Variants in MYOM1 observed in about 807,000 individuals in gnomAD.
The protein encoded by MYOM1 is myomesin-1.
In MYOM1, 164 loss-of-function variants were observed where a neutral mutation model predicts 205.3. The ratio of observed to expected loss-of-function variants is 0.80; its 90% CI spans 0.70 to 0.91. The LOEUF (loss-of-function observed/expected upper bound fraction) is 0.91. Ranked by LOEUF, MYOM1 falls within the 40% of genes least tolerant of loss-of-function variation. MYOM1 has a pLI of 0.00. For missense variants in MYOM1, 2,011 were observed against 2,127.3 expected (o/e 0.95, Z 1.08); for synonymous variants, 772 against 789.4 (o/e 0.98, Z 0.37).
At chr18:3,233,699 C>T in the MYOM1 span, among the ~76,000 whole-genome samples, 1 of 152,184 alleles carries the variant, frequency 6.6e-6, no homozygotes, top group Non-Finnish European at 1.5e-5. Flanking sequence ...AAACTGTCCA[C>T]GGATTCATCT....
intron 10 of MYOM1, among the ~76,000 whole-genome samples, chr18:3,155,501 G>C (rs1340222368): frequency 1.3e-5 from 2 of 152,212 alleles, no homozygotes; most frequent in South Asian, 2.1e-4. Flanking sequence ...TGGGATTACA[G>C]GCGTGAGCCA....
the MYOM1 span, among the ~76,000 whole-genome samples, chr18:3,239,305 A>AAG: frequency 2.0e-5 from 3 of 152,174 alleles, no homozygotes. Flanking sequence ...ACAATGCATG[A>AAG]AGACAGATGT....
At chr18:3,161,263 A>G (rs778449304) in intron 10 of MYOM1, among the ~76,000 whole-genome samples, 3 of 152,216 alleles carry the variant, frequency 2.0e-5, no homozygotes, top group Non-Finnish European at 4.4e-5. Flanking sequence ...TCAGGTATCT[A>G]TACCAGTTGC....
intron 19 of MYOM1, among the ~76,000 whole-genome samples, chr18:3,124,248 A>G (rs918617412): frequency 2.0e-5 from 3 of 151,368 alleles, no homozygotes; most frequent in Non-Finnish European, 2.9e-5. Flanking sequence ...AGGAAACGAT[A>G]TATGATACAG....
intron 2 of MYOM1, among the ~76,000 whole-genome samples, chr18:3,201,010 C>T (rs767020212): frequency 2.6e-5 from 4 of 152,116 alleles, no homozygotes; most frequent in Non-Finnish European, 5.9e-5. Context: ...TCTTTACACA[C>T]AGGGGAACAA....
intron 34 of MYOM1, among the ~76,000 whole-genome samples, 184 bp downstream of exon 34, chr18:3,078,995 T>TTA (rs398031857): frequency 6.7e-6 from 1 of 149,356 alleles, no homozygotes; most frequent in Non-Finnish European, 1.5e-5. Context: ...TTTTTTTTTT[T>TTA]AGAGATGAGA....
intron 12 of MYOM1, 141 bp from the exon 13 acceptor site, chr18:3,149,342 T>C (rs2080183353): frequency 3.1e-6 from 2 of 647,768 alleles, no homozygotes; most frequent in African/African-American, 1.8e-5. Context: ...ATGAATGGTA[T>C]CAATCATGTA....
chr18:3,196,746 C>G (rs2080993482), intron 2 of MYOM1, among the ~76,000 whole-genome samples: 1 of 152,142 alleles, frequency 6.6e-6, no homozygotes. Context: ...AGGACATTAT[C>G]ACATACATCT....
At position 3,215,260 on chromosome 18, in the gene MYOM1, AAAC is replaced by A. The variant is rs778452984; in HGVS notation, c.-28-12_-28-10del. On this transcript the variant is annotated splice_polypyrimidine_tract_variant and intron_variant, in intron 1 of 37. Coordinates refer to ENST00000356443, the MANE Select transcript of MYOM1 (RefSeq NM_003803.4). ...TGAAGGAACCGGGCCACCTGAAGGA[AAAC>A]AACACTTTTTGAGTGACTTATTAAG... 3.2e-6 allele frequency: 5 copies of A among 1,558,264 alleles called. No individual in the cohort carries two copies. The highest frequency in any genetic ancestry group is 1.2e-5 in the South Asian group (1 of 85,190).
At chr18:3,099,701 T>C (rs1276528209) in intron 25 of MYOM1, among the ~76,000 whole-genome samples, 1 of 152,240 alleles carries the variant, frequency 6.6e-6, no homozygotes, top group East Asian at 1.9e-4. Flanking sequence ...GTTTGCCCAA[T>C]TTTCCAGGAG....
intron 14 of MYOM1, 118 bp downstream of exon 14, chr18:3,141,821 A>T: frequency 8.1e-7 from 1 of 1,240,014 alleles, no homozygotes. Flanking sequence ...CAATCTAGTG[A>T]GATCAGGACA....
In MYOM1 at chr18:3,126,777, T is replaced by C. The variant is rs2143864654; in HGVS notation, c.2915A>G (p.Tyr972Cys). The change falls in exon 19 of 38, where the codon TAT becomes TGT. Residue 972 changes from tyrosine to cysteine, a missense_variant. Transcript: ENST00000356443. ...TGGTACCCCATCAATGACCTCGCGA[T>C]AGTTCACATAATAGCCAGTAATTTC... The part of the protein sequence containing the change: ...GAEITGYYVN[Y>C]REVIDGVPGK... 6.2e-7 allele frequency: 1 copy of C among 1,609,754 alleles called. No individual in the cohort carries two copies.
intron 36 of MYOM1, among the ~76,000 whole-genome samples, chr18:3,074,921 G>A (rs962131759): frequency 6.6e-6 from 1 of 151,446 alleles, no homozygotes; most frequent in Non-Finnish European, 1.5e-5. Flanking sequence ...AGCCTCCCAA[G>A]TAGCTGGGAT....
intron 5 of MYOM1, among the ~76,000 whole-genome samples, chr18:3,187,239 A>G (rs2080830507): frequency 6.6e-6 from 1 of 152,246 alleles, no homozygotes; most frequent in Non-Finnish European, 1.5e-5. Context: ...TATAAAATAA[A>G]GATCCATTTG....
At position 3,168,877 on chromosome 18, in the gene MYOM1, G is replaced by T. The variant is rs376648139; in HGVS notation, c.1279C>A (p.Arg427Ser). 1 of 1,613,670 alleles carries T rather than the reference G, an allele frequency of 6.2e-7. No individual in the cohort carries two copies. The highest frequency in any genetic ancestry group is 1.7e-5 in the Admixed American group (1 of 59,992). ...TTAATTTCAGGAGTGATGACAACAC[G>T]ACAGCCTAGACTCATTGTCTCTCCC... The part of the protein sequence containing the change: ...REGETMSLGC[R>S]VVITPEIKHF... The change falls in exon 9 of 38, where the codon CGT becomes AGT. Residue 427 changes from arginine to serine, a missense_variant. Transcript: ENST00000356443.
chr18:3,097,314 G>C (rs1031657036), intron 25 of MYOM1, among the ~76,000 whole-genome samples: 2 of 152,204 alleles, frequency 1.3e-5, no homozygotes, highest in African/African-American at 4.8e-5. Flanking sequence ...GTAGGGGAAA[G>C]AAAAGAGCTG....
At chr18:3,132,334 C>G (rs184179740) in intron 16 of MYOM1, among the ~76,000 whole-genome samples, 18 of 151,822 alleles carry the variant, frequency 1.2e-4, no homozygotes, top group Admixed American at 5.3e-4. Context: ...TGTATTTTTA[C>G]TAGAGATGGA....
At chr18:3,079,144 T>C in intron 34 of MYOM1, 35 bp downstream of exon 34, 1 of 1,606,536 alleles carries the variant, frequency 6.2e-7, no homozygotes, top group Non-Finnish European at 8.5e-7. Context: ...CTCATTCATC[T>C]AGAGTAAATT....
intron 2 of MYOM1, among the ~76,000 whole-genome samples, chr18:3,212,722 C>G (rs2081205725): frequency 6.6e-6 from 1 of 152,320 alleles, no homozygotes; most frequent in South Asian, 2.1e-4. Context: ...TAATCTTTCT[C>G]TATTACATGT....
Sources: allele counts gnomAD v4.1 joint callset (sites outside exome capture counted in the v4.1 genomes callset), GRCh38; gene constraint gnomAD v4.1.1; transcripts MANE v1.5; gene names NCBI Gene and HGNC (gene_info 2026-07-23, HGNC 2026-07-21).